ELMO2: variants seen among roughly 807,000 people sequenced by gnomAD.
ELMO2 encodes engulfment and cell motility 2.
ELMO2 carries 37 observed loss-of-function variants against 96.2 expected under a neutral mutation model. The ratio of observed to expected loss-of-function variants is 0.38; its 90% CI spans 0.30 to 0.51. The LOEUF is 0.51. Among genes scored for constraint, ELMO2 ranks in the 20% least tolerant of loss-of-function variants. The pLI, the probability that ELMO2 is intolerant of heterozygous loss-of-function variation, is 0.88. For missense variants in ELMO2, 561 were observed against 912.6 expected, an observed-to-expected ratio of 0.61 and a Z score of 4.96; for synonymous variants, 315 against 329.4, an observed-to-expected ratio of 0.96 and a Z score of 0.47.
intron 13 of ELMO2, 61 bp from the exon 14 acceptor site, chr20:46,374,701 G>A: frequency 6.8e-7 from 1 of 1,471,578 alleles, no homozygotes; most frequent in South Asian, 1.2e-5. Flanking sequence ...AGGGACCTGA[G>A]GGGATGCCCT....
intron 16 of ELMO2, chr20:46,373,033 C>A: frequency 5.2e-6 from 1 of 194,116 alleles, no homozygotes; most frequent in Non-Finnish European, 1.1e-5. Flanking sequence ...CATGCCAGTC[C>A]ACTCTTCTCT....
rs1489666180 is a variant in ELMO2 at position 46,375,080 on chromosome 20, A to ACAAAG, written c.1065+151_1065+155dup. Among the ~76,000 whole-genome samples the ACAAAG allele has an allele frequency of 3.3e-5, 5 of 152,200 alleles. No individual in the cohort carries two copies. Among genetic ancestry groups the ACAAAG allele is most frequent in the Non-Finnish European group, 5.9e-5 (4 of 68,040 alleles). The stretch of plus-strand genomic sequence containing the variant: ...ACATAAACTCACAGACTCACCATCA[A>ACAAAG]CAAAGCAAAGCAAGCATTAAAGCTC... On this transcript the variant is annotated intron_variant, in intron 13 of 21. Transcript: ENST00000290246. This position sits in a 1 kb window ranked among gnomAD's most constrained non-coding sequence, Gnocchi z 4.6.
At chr20:46,376,162 A>G (rs1369985840) in intron 11 of ELMO2, among the ~76,000 whole-genome samples, 1 of 152,190 alleles carries the variant, frequency 6.6e-6, no homozygotes, top group African/African-American at 2.4e-5. Flanking sequence ...AATGCAAAAC[A>G]ATAGATGGTG....
At chr20:46,376,988 C>G (rs2059872395) in intron 11 of ELMO2, 4 of 368,802 alleles carry the variant, frequency 1.1e-5, no homozygotes, top group Non-Finnish European at 2.0e-5. Context: ...CGGAACACTT[C>G]CATTAACAGA....
Position 46,394,423 on chromosome 20 carries a change from C to T in ELMO2, c.60G>A (p.Gln20=), listed in dbSNP as rs1400087046. 1 of 1,614,222 alleles carries T rather than the reference C, an allele frequency of 6.2e-7. No individual in the cohort carries two copies. The change falls in exon 3 of 22, where the codon CAG becomes CAA. Residue 20 remains glutamine, a synonymous_variant. Coordinates refer to ENST00000290246, the MANE Select transcript of ELMO2 (RefSeq NM_133171.5). ...AGCATACCTGGTCGATTTCAAGGAG[C>T]TGGGCGTTAGCACCTGGCCACTCAA... ...VAIEWPGANA[Q]LLEIDQKRPL... is the part of the protein sequence containing the mutation.
chr20:46,382,694 C>G lies in ELMO2; in HGVS notation c.756+722G>C, dbSNP rs568581023. Among the ~76,000 whole-genome samples, 3 of 152,330 alleles carry G rather than the reference C, an allele frequency of 2.0e-5. No homozygotes were observed. The East Asian group carries it at 5.8e-4, about 29-fold the overall frequency. On this transcript the variant is annotated intron_variant, in intron 10 of 21. Coordinates refer to ENST00000290246, the MANE Select transcript of ELMO2 (RefSeq NM_133171.5). ...GGTCAGTGTTTGTTCCACCACCCAG[C>G]TGATTCTTAGTTTCCTTATTTGTGA...
Position 46,394,430 on chromosome 20 carries a change from T to C in ELMO2, c.53A>G (p.Asn18Ser). The part of the protein sequence containing the change: ...VKVAIEWPGA[N>S]AQLLEIDQKR... ...CTGGTCGATTTCAAGGAGCTGGGCG[T>C]TAGCACCTGGCCACTCAATGGCCAC... Residue 18 changes from asparagine (N) to serine (S), a missense_variant, in exon 3 of 22, where the codon AAC becomes AGC. Physicochemically the swap from Asn to Ser is conservative, Grantham distance 46. Transcript: ENST00000290246. 3 of 1,614,218 alleles carry C rather than the reference T, an allele frequency of 1.9e-6. No homozygotes were observed. Among genetic ancestry groups the C allele is most frequent in the Non-Finnish European group, 2.5e-6 (3 of 1,180,044 alleles).
intron 5 of ELMO2, 150 bp from the exon 6 acceptor site, chr20:46,393,293 G>T: frequency 1.0e-6 from 1 of 956,190 alleles, no homozygotes; most frequent in Non-Finnish European, 1.6e-6. Flanking sequence ...TTATTCCTTG[G>T]CAAAGAATTT....
At chr20:46,384,928 T>A (rs1371478185) in intron 9 of ELMO2, among the ~76,000 whole-genome samples, 1 of 152,132 alleles carries the variant, frequency 6.6e-6, no homozygotes, top group Non-Finnish European at 1.5e-5. Flanking sequence ...CGCTCCAGCT[T>A]GGACGGCAGA....
chr20:46,386,179 A>T lies in ELMO2; in HGVS notation c.622T>A (p.Tyr208Asn), dbSNP rs759259237. 2 of 1,614,152 alleles carry T rather than the reference A, an allele frequency of 1.2e-6. No individual in the cohort carries two copies. The highest frequency in any genetic ancestry group is 2.2e-5 in the South Asian group (2 of 91,080). The change falls in exon 9 of 22, where the codon TAC (tyrosine) becomes AAC (asparagine). Residue 208 changes from tyrosine (Y) to asparagine (N), a missense_variant. Transcript: ENST00000290246. ...GTGATTTCCTCGGCTATCTTCTGGT[A>T]CAGACTCTGGCTGTTCAAGACCATG... Reference protein sequence around the residue: ...ESMVLNSQSLYQKIAEEITVG... With the variant: ...ESMVLNSQSLNQKIAEEITVG...
chr20:46,387,469 A>T (rs1409333943), intron 7 of ELMO2, 32 bp from the exon 8 acceptor site: 4 of 1,571,186 alleles, frequency 2.5e-6, no homozygotes, highest in Non-Finnish European at 3.5e-6. Flanking sequence ...CACAAAATAG[A>T]CAAAGATTCA....
At chr20:46,396,180 C>T (rs1014866591) in intron 2 of ELMO2, among the ~76,000 whole-genome samples, 3 of 152,180 alleles carry the variant, frequency 2.0e-5, no homozygotes, top group Non-Finnish European at 2.9e-5. Context: ...AAGAAACTGG[C>T]CCTATCTGCA....
chr20:46,372,500 T>A (rs569043284), intron 16 of ELMO2, among the ~76,000 whole-genome samples: 1 of 152,064 alleles, frequency 6.6e-6, no homozygotes, highest in African/African-American at 2.4e-5. Flanking sequence ...GTGTGGTGGC[T>A]CACGCCTGTA....
At chr20:46,388,690 C>T (rs554580085) in intron 7 of ELMO2, among the ~76,000 whole-genome samples, 1 of 152,060 alleles carries the variant, frequency 6.6e-6, no homozygotes, top group Non-Finnish European at 1.5e-5. Flanking sequence ...GATACTGGAC[C>T]ATCTGCTCAC....
At position 46,393,705 on chromosome 20, in the gene ELMO2, T is replaced by C. The variant is rs115918837; in HGVS notation, c.120-104A>G. On this transcript the variant is annotated intron_variant, in intron 4 of 21. Coordinates refer to ENST00000290246, the MANE Select transcript of ELMO2 (RefSeq NM_133171.5). ...TTGCTCAAGGGATTGGGTGGCCTAT[T>C]TGGAATACAGTGGAAACAAAGCTTT... 3.6e-5 allele frequency: 46 copies of C among 1,276,276 alleles called. No individual in the cohort carries two copies. In the African/African-American group the frequency reaches 6.3e-4, roughly 18 times the overall value. The allele number at this position is 1,276,276 out of a possible 1,614,324, so 79.1% of individuals were successfully genotyped here. A position where few individuals can be genotyped will look rare whatever the true frequency, so the allele number is the denominator to read the frequency against.
At chr20:46,378,445 C>T (rs2059901502) in intron 11 of ELMO2, among the ~76,000 whole-genome samples, 1 of 152,230 alleles carries the variant, frequency 6.6e-6, no homozygotes, top group East Asian at 1.9e-4. Context: ...AATTAAATTT[C>T]CTTCAGAAGG....
At chr20:46,380,668 C>T (rs2059939837) in intron 10 of ELMO2, among the ~76,000 whole-genome samples, 1 of 152,142 alleles carries the variant, frequency 6.6e-6, no homozygotes, top group Non-Finnish European at 1.5e-5. Context: ...TGCATCGTGC[C>T]AGGTAGACCC....
intron 1 of ELMO2, among the ~76,000 whole-genome samples, chr20:46,402,528 A>G (rs1196806810): frequency 6.6e-6 from 1 of 152,254 alleles, no homozygotes; most frequent in Non-Finnish European, 1.5e-5. Context: ...GAACTTCAGA[A>G]TTAAACTTTA....
intron 16 of ELMO2, 189 bp downstream of exon 16, chr20:46,373,210 A>C: frequency 1.5e-6 from 1 of 679,614 alleles, no homozygotes; most frequent in Non-Finnish European, 2.4e-6. Flanking sequence ...GTGGAAGACA[A>C]GCTCAAGGTC....
Sources: allele counts gnomAD v4.1 joint callset (sites outside exome capture counted in the v4.1 genomes callset), GRCh38; gene constraint gnomAD v4.1.1; non-coding constraint Gnocchi (gnomAD v3.1); transcripts MANE v1.5; gene names NCBI Gene and HGNC (gene_info 2026-07-23, HGNC 2026-07-21).